The following LRRN2 variants were observed in gnomAD, a reference collection of about 807,000 sequenced individuals.
LRRN2 encodes leucine rich repeat neuronal 2.
LRRN2 carries 10 observed loss-of-function variants against 35.7 expected under a neutral mutation model. That is an observed-to-expected ratio of 0.28 (90% CI 0.17 to 0.47). The LOEUF (loss-of-function observed/expected upper bound fraction) is 0.47, where lower values mean the gene tolerates loss of function less well. Among genes scored for constraint, LRRN2 ranks in the 20% least tolerant of loss-of-function variants. LRRN2 has a pLI of 0.99. For synonymous variants in LRRN2, 391 were observed against 409.6 expected (o/e 0.95, Z 0.55); for missense variants, 731 against 940.3 (o/e 0.78, Z 2.91).
intron 1 of LRRN2, among the ~76,000 whole-genome samples, chr1:204,662,293 G>A (rs1318400100): frequency 6.6e-6 from 1 of 152,204 alleles, no homozygotes; most frequent in Admixed American, 6.5e-5. Context: ...CTAGGATATA[G>A]TGAGGGGGAG....
intron 1 of LRRN2, among the ~76,000 whole-genome samples, chr1:204,625,284 G>A (rs1667259029): frequency 6.6e-6 from 1 of 152,204 alleles, no homozygotes; most frequent in Non-Finnish European, 1.5e-5. Context: ...AGTACGGGAT[G>A]GAAGGTACAT....
intron 1 of LRRN2, among the ~76,000 whole-genome samples, chr1:204,644,073 A>C (rs2102603739): frequency 6.6e-6 from 1 of 152,326 alleles, no homozygotes; most frequent in East Asian, 1.9e-4. Context: ...CTTTCCCAGC[A>C]GGCATGGGCA....
chr1:204,620,282 G>T, intron 1 of LRRN2, 64 bp from the exon 2 acceptor site: 1 of 1,157,258 alleles, frequency 8.6e-7, no homozygotes, highest in Non-Finnish European at 1.1e-6. Context: ...CTCCTCCCGT[G>T]TTTGTTTGTT....
At chr1:204,656,976 C>G (rs1336869125) in intron 1 of LRRN2, among the ~76,000 whole-genome samples, 1 of 152,078 alleles carries the variant, frequency 6.6e-6, no homozygotes, top group African/African-American at 2.4e-5. Flanking sequence ...ATAAAAATCA[C>G]CCAAATGTCT....
At chr1:204,661,098 T>G (rs1365595375) in intron 1 of LRRN2, among the ~76,000 whole-genome samples, 1 of 152,230 alleles carries the variant, frequency 6.6e-6, no homozygotes. Flanking sequence ...ATTGATTGAT[T>G]GATTAATTTT....
intron 1 of LRRN2, chr1:204,626,752 C>A (rs78301459): frequency 6.6e-6 from 1 of 152,068 alleles, no homozygotes; most frequent in Admixed American, 6.6e-5. Flanking sequence ...GGTGCTCTGC[C>A]GTGAACTGTG....
intron 1 of LRRN2, among the ~76,000 whole-genome samples, chr1:204,673,340 T>C (rs1668751735): frequency 6.6e-6 from 1 of 152,248 alleles, no homozygotes; most frequent in South Asian, 2.1e-4. Context: ...TTCTTTAATA[T>C]TTATTGGTAC....
At chr1:204,682,567 CAG>C (rs1325989167) in intron 1 of LRRN2, among the ~76,000 whole-genome samples, 6 of 152,172 alleles carry the variant, frequency 3.9e-5, no homozygotes, top group Non-Finnish European at 7.3e-5. Context: ...GGCTAGGAAA[CAG>C]GGGATGGTAA....
intron 1 of LRRN2, among the ~76,000 whole-genome samples, chr1:204,636,106 C>T (rs956099173): frequency 5.9e-5 from 9 of 151,282 alleles, no homozygotes; most frequent in African/African-American, 2.2e-4. Context: ...ACCACACTCA[C>T]TTAATACCTT....
chr1:204,671,471 AAAG>A, intron 1 of LRRN2, among the ~76,000 whole-genome samples: 1 of 150,572 alleles, frequency 6.6e-6, no homozygotes, highest in East Asian at 2.0e-4. Flanking sequence ...ATGCAGGTAG[AAAG>A]AAGCAGATAA....
At chr1:204,649,313 C>T (rs1668174756) in intron 1 of LRRN2, among the ~76,000 whole-genome samples, 1 of 152,200 alleles carries the variant, frequency 6.6e-6, no homozygotes, top group Non-Finnish European at 1.5e-5. Context: ...AACCACTAGA[C>T]TGTGAGGTCC....
At chr1:204,677,372 G>T (rs1180756802) in intron 1 of LRRN2, among the ~76,000 whole-genome samples, 1 of 152,132 alleles carries the variant, frequency 6.6e-6, no homozygotes, top group Admixed American at 6.5e-5. Context: ...ACTACCAATG[G>T]ATCCTAGTCT....
intron 1 of LRRN2, among the ~76,000 whole-genome samples, chr1:204,639,667 G>A (rs1667936702): frequency 2.6e-5 from 4 of 152,180 alleles, no homozygotes; most frequent in South Asian, 2.1e-4. Context: ...ATATAATTTA[G>A]TAATGACATA....
chr1:204,678,166 G>C (rs759139137), intron 1 of LRRN2, among the ~76,000 whole-genome samples: 1 of 152,148 alleles, frequency 6.6e-6, no homozygotes, highest in Admixed American at 6.5e-5. Flanking sequence ...TTTAGCACTC[G>C]GTTTTAAATA....
At chr1:204,645,572 C>T (rs1267898147) in intron 1 of LRRN2, among the ~76,000 whole-genome samples, 1 of 152,170 alleles carries the variant, frequency 6.6e-6, no homozygotes, top group Non-Finnish European at 1.5e-5. Context: ...CAGGTATTAC[C>T]ATCTCCATGT....
rs1270952431 is a variant in LRRN2, at chr1:204,678,812, C to T, written c.-227+6508G>A. Among the ~76,000 whole-genome samples the T allele has an allele frequency of 2.0e-5, 3 of 152,186 alleles. No homozygotes were observed. The East Asian group carries it at 5.8e-4, about 29-fold the overall frequency. On this transcript the variant is annotated intron_variant, in intron 1 of 1. Coordinates refer to ENST00000367177, the MANE Select transcript of LRRN2 (RefSeq NM_201630.2). ...AACAAACTCCCCCTCTCCCAACTGA[C>T]TCTTCCATTTCCCTTCCCTGTTTTT... is the stretch of plus-strand genomic sequence containing the variant.
At chr1:204,685,028 T>C (rs1197048868) in intron 1 of LRRN2, among the ~76,000 whole-genome samples, 1 of 152,034 alleles carries the variant, frequency 6.6e-6, no homozygotes, top group African/African-American at 2.4e-5. Context: ...GCCCTCTCCC[T>C]GGCCGCTTCT....
At chr1:204,646,995 T>G (rs900103116) in intron 1 of LRRN2, among the ~76,000 whole-genome samples, 3 of 152,148 alleles carry the variant, frequency 2.0e-5, no homozygotes, top group Non-Finnish European at 4.4e-5. Flanking sequence ...GGGTTCCGTC[T>G]CAACCCAGAA....
rs533985785 is a variant in LRRN2 at position 204,645,871 on chromosome 1, G to A, written c.-226-25653C>T. On this transcript the variant is annotated intron_variant, in intron 1 of 1. Coordinates refer to ENST00000367177, the MANE Select transcript of LRRN2 (RefSeq NM_201630.2). ...ATGAGAAGGGCATGGGGGAAACCAC[G>A]CCCATGATTCAATTACCACCACTTG... Among the ~76,000 whole-genome samples the A allele has an allele frequency of 3.4e-4, 52 of 152,286 alleles. 1 individual carries two copies. Among genetic ancestry groups the A allele is most frequent in the Admixed American group, 9.8e-4 (15 of 15,298 alleles).
Sources: allele counts gnomAD v4.1 joint callset (sites outside exome capture counted in the v4.1 genomes callset), GRCh38; gene constraint gnomAD v4.1.1; transcripts MANE v1.5; gene names NCBI Gene and HGNC (gene_info 2026-07-23, HGNC 2026-07-21).